EIF3H: variants seen among roughly 807,000 people sequenced by gnomAD.
EIF3H encodes eukaryotic translation initiation factor 3 subunit H.
Under a neutral mutation model 44.2 loss-of-function variants are expected in EIF3H, and 26 were observed. The observed-to-expected ratio is 0.59, with a 90% CI of 0.43 to 0.82. The LOEUF (loss-of-function observed/expected upper bound fraction) is 0.82. Ranked by LOEUF, EIF3H falls within the 40% of genes least tolerant of loss-of-function variation. The probability of loss-of-function intolerance (pLI) is 0.00; values close to 1 mark genes in which losing one functional copy is unlikely to be tolerated. For synonymous variants in EIF3H, 166 were observed against 151.9 expected (o/e 1.09, Z -0.68); for missense variants, 359 against 432.8 (o/e 0.83, Z 1.51).
intron 6 of EIF3H, among the ~76,000 whole-genome samples, chr8:116,647,949 CAT>C (rs1393082140): frequency 1.3e-5 from 2 of 151,776 alleles, no homozygotes; most frequent in Non-Finnish European, 2.9e-5. Context: ...TACTGATTTA[CAT>C]ATGTTTTCTC....
intron 6 of EIF3H, among the ~76,000 whole-genome samples, chr8:116,647,080 TTTTTC>T (rs1305118977): frequency 7.2e-5 from 11 of 152,222 alleles, no homozygotes; most frequent in South Asian, 2.1e-4. Context: ...GTTACGGCTT[TTTTTC>T]TTTTCTTTTC....
chr8:116,679,057 G>A (rs1813911225), intron 2 of EIF3H, among the ~76,000 whole-genome samples: 1 of 54,552 alleles, frequency 1.8e-5, no homozygotes, highest in Admixed American at 1.4e-4. Flanking sequence ...CTGCCCGGCC[G>A]CCCCTACTGG....
chr8:116,681,116 A>G (rs1215648845), intron 2 of EIF3H, among the ~76,000 whole-genome samples: 2 of 152,062 alleles, frequency 1.3e-5, no homozygotes, highest in Non-Finnish European at 2.9e-5. Flanking sequence ...TAATCCCAGC[A>G]CTTTGGGAGG....
At chr8:116,658,449 C>G (rs1005725393) in intron 3 of EIF3H, 3 of 164,672 alleles carry the variant, frequency 1.8e-5, no homozygotes, top group African/African-American at 4.8e-5. Flanking sequence ...ATAAAAAAAA[C>G]TTGGCACACC....
At chr8:116,732,549 T>G (rs981438672) in intron 1 of EIF3H, among the ~76,000 whole-genome samples, 4 of 152,186 alleles carry the variant, frequency 2.6e-5, no homozygotes, top group African/African-American at 7.2e-5. Context: ...ACTAGAATAA[T>G]TTCCTATCAA....
intron 2 of EIF3H, among the ~76,000 whole-genome samples, chr8:116,700,276 T>C (rs573944586): frequency 2.0e-5 from 3 of 152,326 alleles, no homozygotes; most frequent in Admixed American, 1.3e-4. Context: ...ATGGTGGCAA[T>C]AGCAGCTGAA....
At chr8:116,650,687 A>ACCT (rs1813374045) in intron 5 of EIF3H, among the ~76,000 whole-genome samples, 1 of 152,138 alleles carries the variant, frequency 6.6e-6, no homozygotes, top group Non-Finnish European at 1.5e-5. Context: ...TTTTTTTGAG[A>ACCT]CAGAGTTTCA....
intron 1 of EIF3H, among the ~76,000 whole-genome samples, chr8:116,746,210 A>T (rs1815232295): frequency 6.6e-6 from 1 of 152,250 alleles, no homozygotes; most frequent in African/African-American, 2.4e-5. Flanking sequence ...CATACATTTT[A>T]AAGTTAGAAG....
chr8:116,643,376 G>T lies in EIF3H; in HGVS notation c.*1630C>A, dbSNP rs1813252751. On this transcript the variant is annotated 3_prime_UTR_variant, in exon 8 of 8. Transcript: ENST00000521861. The stretch of plus-strand genomic sequence containing the variant: ...AGTCTATATCAAAGATTATCCTAAA[G>T]AAATAATTATATATGTGAGCAAGTA... 1 of 152,200 alleles carries T rather than the reference G, an allele frequency of 6.6e-6. No individual in the cohort carries two copies. Among genetic ancestry groups the T allele is most frequent in the African/African-American group, 2.4e-5 (1 of 41,446 alleles). 9.4% of individuals were successfully genotyped at this position (152,200 alleles called of 1,614,324 possible).
chr8:116,752,881 A>G (rs972975094), intron 1 of EIF3H, among the ~76,000 whole-genome samples: 1 of 151,874 alleles, frequency 6.6e-6, no homozygotes, highest in African/African-American at 2.4e-5. Context: ...GAAGAGTTTA[A>G]GGAAGGAGTT....
At chr8:116,674,029 C>A (rs1358419020) in intron 2 of EIF3H, among the ~76,000 whole-genome samples, 1 of 130,942 alleles carries the variant, frequency 7.6e-6, no homozygotes, top group Admixed American at 8.7e-5. Flanking sequence ...GAGATCTCGC[C>A]ACTGCACTCC....
At chr8:116,672,905 C>T (rs1490542376) in intron 2 of EIF3H, among the ~76,000 whole-genome samples, 1 of 151,414 alleles carries the variant, frequency 6.6e-6, no homozygotes, top group East Asian at 1.9e-4. Flanking sequence ...TTACCATTTG[C>T]AGACCCTTTA....
At chr8:116,713,419 T>A (rs1466743011) in intron 2 of EIF3H, among the ~76,000 whole-genome samples, 1 of 152,132 alleles carries the variant, frequency 6.6e-6, no homozygotes, top group African/African-American at 2.4e-5. Context: ...TATCCTTTCA[T>A]GCACAAGAGT....
chr8:116,705,484 A>G (rs1176245026), intron 2 of EIF3H, among the ~76,000 whole-genome samples: 1 of 136,738 alleles, frequency 7.3e-6, no homozygotes, highest in Non-Finnish European at 1.5e-5. Context: ...TGTGGGTAAC[A>G]TGTTACACCC....
At chr8:116,741,628 G>C (rs1469890026) in intron 1 of EIF3H, among the ~76,000 whole-genome samples, 1 of 152,196 alleles carries the variant, frequency 6.6e-6, no homozygotes, top group Non-Finnish European at 1.5e-5. Context: ...CTTTATTACA[G>C]TTTTGTAGCT....
chr8:116,699,801 T>TG (rs1009236424), intron 2 of EIF3H, among the ~76,000 whole-genome samples: 88 of 148,956 alleles, frequency 5.9e-4, no homozygotes, highest in African/African-American at 1.8e-3. Flanking sequence ...GCAGGTTTTT[T>TG]GGTTTTTTTT....
At chr8:116,665,966 T>G (rs1352678674) in intron 2 of EIF3H, among the ~76,000 whole-genome samples, 1 of 152,242 alleles carries the variant, frequency 6.6e-6, no homozygotes, top group Non-Finnish European at 1.5e-5. Context: ...CCATATTCTC[T>G]GCATCCAATC....
intron 1 of EIF3H, among the ~76,000 whole-genome samples, chr8:116,729,570 C>A (rs1222523974): frequency 6.6e-6 from 1 of 152,154 alleles, no homozygotes; most frequent in Non-Finnish European, 1.5e-5. Context: ...GCTCTTTCGA[C>A]ATCACTGAAC....
chr8:116,688,849 A>G (rs1814124771), intron 2 of EIF3H, among the ~76,000 whole-genome samples: 1 of 152,218 alleles, frequency 6.6e-6, no homozygotes, highest in Admixed American at 6.5e-5. Flanking sequence ...GATTTAAAAA[A>G]TAATAGAAAC....
Sources: allele counts gnomAD v4.1 joint callset (sites outside exome capture counted in the v4.1 genomes callset), GRCh38; gene constraint gnomAD v4.1.1; transcripts MANE v1.5; gene names NCBI Gene and HGNC (gene_info 2026-07-23, HGNC 2026-07-21).